The following NRG1 variants were observed in gnomAD, a reference collection of about 807,000 sequenced individuals.
The protein encoded by NRG1 is neuregulin 1.
A neutral mutation model predicts 63.8 loss-of-function variants in NRG1; 18 were observed. The observed-to-expected ratio is 0.28, with a 90% CI of 0.19 to 0.42. The LOEUF (loss-of-function observed/expected upper bound fraction) is 0.42. Ranked by LOEUF, NRG1 falls within the 10% of genes least tolerant of loss-of-function variation. The pLI is 1.00. For synonymous variants in NRG1, 302 were observed against 301.3 expected (o/e 1.00, Z -0.02); for missense variants, 762 against 814.7 (o/e 0.94, Z 0.79).
At chr8:32,623,310 G>T (rs1848657876) in intron 5 of NRG1, among the ~76,000 whole-genome samples, 1 of 151,512 alleles carries the variant, frequency 6.6e-6, no homozygotes, top group South Asian at 2.1e-4. Context: ...TGCTTTTATG[G>T]TAGAAAAAAA....
intron 5 of NRG1, among the ~76,000 whole-genome samples, chr8:32,687,343 AT>A (rs1810434361): frequency 1.3e-5 from 2 of 152,210 alleles, no homozygotes; most frequent in Admixed American, 1.3e-4. Context: ...TGATGGATGG[AT>A]GGTGGCTGAA....
intron 1 of NRG1, among the ~76,000 whole-genome samples, chr8:32,234,812 A>G (rs906071644): frequency 6.6e-6 from 1 of 152,068 alleles, no homozygotes; most frequent in Admixed American, 6.6e-5. Context: ...TTGATATTAT[A>G]TTTGCTTTCT....
At chr8:32,127,897 G>A (rs114940899) in intron 1 of NRG1, among the ~76,000 whole-genome samples, 1,946 of 151,908 alleles carry the variant, frequency 0.013, 46 homozygotes, top group African/African-American at 0.045. Context: ...ACTAGCCACT[G>A]TACTCTAGCC....
chr8:32,595,184 T>C (rs1400412006), intron 1 of NRG1, among the ~76,000 whole-genome samples: 1 of 152,096 alleles, frequency 6.6e-6, no homozygotes, highest in Non-Finnish European at 1.5e-5. Context: ...CTTTTTATTT[T>C]TTATTTTTTT....
intron 5 of NRG1, among the ~76,000 whole-genome samples, chr8:32,682,499 A>T (rs923246308): frequency 6.6e-6 from 1 of 152,128 alleles, no homozygotes; most frequent in African/African-American, 2.4e-5. Flanking sequence ...CTAGTTGCAT[A>T]ATACCTGCTT....
At chr8:31,703,556 A>G (rs1238546477) in intron 1 of NRG1, among the ~76,000 whole-genome samples, 1 of 152,200 alleles carries the variant, frequency 6.6e-6, no homozygotes, top group African/African-American at 2.4e-5. Context: ...GGACAATTGC[A>G]CCATTTAAAA....
At chr8:32,482,842 C>T (rs932168306) in intron 1 of NRG1, among the ~76,000 whole-genome samples, 3 of 152,174 alleles carry the variant, frequency 2.0e-5, no homozygotes, top group Admixed American at 1.3e-4. Context: ...ATGGGCTGAA[C>T]TGAAGGTCCA....
intron 1 of NRG1, among the ~76,000 whole-genome samples, chr8:32,497,403 TG>T (rs1487352295): frequency 6.8e-6 from 1 of 146,658 alleles, no homozygotes; most frequent in Non-Finnish European, 1.5e-5. Flanking sequence ...GCCAAGACTG[TG>T]TCATTGCACT....
chr8:32,120,472 C>T (rs1833298180), intron 1 of NRG1, among the ~76,000 whole-genome samples: 1 of 152,014 alleles, frequency 6.6e-6, no homozygotes, highest in Admixed American at 6.6e-5. Context: ...TCTGTGAAAT[C>T]TCCTTGCACA....
chr8:32,046,794 A>C (rs1821071050), intron 1 of NRG1, among the ~76,000 whole-genome samples: 1 of 152,042 alleles, frequency 6.6e-6, no homozygotes, highest in Non-Finnish European at 1.5e-5. Flanking sequence ...GACTACAAGG[A>C]GATAGCATGG....
At chr8:31,867,986 G>A (rs1420730516) in intron 1 of NRG1, among the ~76,000 whole-genome samples, 1 of 152,006 alleles carries the variant, frequency 6.6e-6, no homozygotes, top group African/African-American at 2.4e-5. Context: ...TTAAGATATT[G>A]CCTGAAATGA....
chr8:32,355,550 T>C (rs569008667), intron 1 of NRG1, among the ~76,000 whole-genome samples: 1 of 151,988 alleles, frequency 6.6e-6, no homozygotes, highest in Non-Finnish European at 1.5e-5. Flanking sequence ...AAAGGTCCTA[T>C]GAAACAGGGA....
intron 1 of NRG1, among the ~76,000 whole-genome samples, chr8:32,417,722 G>A (rs932354457): frequency 6.6e-6 from 1 of 151,474 alleles, no homozygotes; most frequent in African/African-American, 2.4e-5. Flanking sequence ...CTAGTCACAC[G>A]GGGGTGGAGG....
chr8:32,688,379 G>A (rs1423499278), intron 5 of NRG1, among the ~76,000 whole-genome samples: 2 of 151,994 alleles, frequency 1.3e-5, no homozygotes, highest in African/African-American at 4.8e-5. Flanking sequence ...GAGCAGATAC[G>A]GCCCTTTTTC....
chr8:32,097,004 CTCA>C (rs1273654065), intron 1 of NRG1, among the ~76,000 whole-genome samples: 1 of 152,180 alleles, frequency 6.6e-6, no homozygotes, highest in Non-Finnish European at 1.5e-5. Context: ...TCCTCACTCC[CTCA>C]TCCTTCCCTG....
chr8:32,541,870 GA>G (rs1832613080), intron 1 of NRG1, among the ~76,000 whole-genome samples: 1 of 152,194 alleles, frequency 6.6e-6, no homozygotes, highest in Non-Finnish European at 1.5e-5. Context: ...GAAACTCAAA[GA>G]TAGTTCTAAG....
intron 1 of NRG1, among the ~76,000 whole-genome samples, chr8:31,671,113 T>A (rs978995788): frequency 1.3e-5 from 2 of 151,144 alleles, no homozygotes. Context: ...CAGCTCCATC[T>A]GTGTTGCTTC....
intron 1 of NRG1, among the ~76,000 whole-genome samples, chr8:31,887,769 AC>A (rs1161595386): frequency 6.6e-6 from 1 of 152,106 alleles, no homozygotes; most frequent in Non-Finnish European, 1.5e-5. Flanking sequence ...GAGAATGTTA[AC>A]CAGCTATTCT....
chr8:32,657,832 T>A (rs74393345), intron 5 of NRG1, among the ~76,000 whole-genome samples: 3,712 of 152,270 alleles, frequency 0.024, 167 homozygotes, highest in African/African-American at 0.085. Context: ...GTGGCAGAGT[T>A]CAGGGTTACT....
Sources: allele counts gnomAD v4.1 joint callset (sites outside exome capture counted in the v4.1 genomes callset), GRCh38; gene constraint gnomAD v4.1.1; transcripts MANE v1.5; gene names NCBI Gene and HGNC (gene_info 2026-07-23, HGNC 2026-07-21).